ZDHHC21: variants seen among roughly 807,000 people sequenced by gnomAD.
ZDHHC21 encodes the protein palmitoyltransferase ZDHHC21.
Under a neutral mutation model 34.6 loss-of-function variants are expected in ZDHHC21, and 15 were observed. That is an observed-to-expected ratio of 0.43 (90% CI 0.29 to 0.67). ZDHHC21 has a LOEUF of 0.67. Ranked by LOEUF, ZDHHC21 falls within the 30% of genes least tolerant of loss-of-function variation. The pLI, the probability that ZDHHC21 is intolerant of heterozygous loss-of-function variation, is 0.14. For synonymous variants in ZDHHC21, 142 were observed against 101.8 expected (o/e 1.40, Z -2.38); for missense variants, 344 against 327.7 (o/e 1.05, Z -0.38).
At chr9:14,598,217 C>A in the ZDHHC21 span, among the ~76,000 whole-genome samples, 1 of 152,118 alleles carries the variant, frequency 6.6e-6, no homozygotes, top group Non-Finnish European at 1.5e-5. Context: ...CATACCTAGC[C>A]AACTGCCTCT....
At chr9:14,619,883 C>CA (rs5896639) in intron 8 of ZDHHC21, among the ~76,000 whole-genome samples, 36,846 of 150,214 alleles carry the variant, frequency 0.25, 5,563 homozygotes, top group African/African-American at 0.39. Context: ...TTATACTATG[C>CA]AAAAAAAAAC....
rs569906598 is a variant in ZDHHC21, at chr9:14,693,248, C to G, written c.-244G>C. 4.8e-5 allele frequency: 20 copies of G among 412,508 alleles called. No individual in the cohort carries two copies. Among genetic ancestry groups the G allele is most frequent in the South Asian group, 2.7e-4 (16 of 60,042 alleles). 25.6% of individuals were successfully genotyped at this position (412,508 alleles called of 1,614,324 possible). ...ACTCACCGTCGCCGCTGGCTCGCCT[C>G]TCGCTGCCGCCGCTCTCCCGACCGC... is the stretch of plus-strand genomic sequence containing the variant. On this transcript the variant is annotated 5_prime_UTR_variant, in exon 1 of 10. Transcript: ENST00000380916.
At position 14,639,902 on chromosome 9, in the gene ZDHHC21, G is replaced by A. The variant is rs1228622132; in HGVS notation, c.615C>T (p.Ile205=). ...ACATTAAAAATATACTTACTGTGAT[G>A]ATGCCAATTAGTTGAGTGTAAAAGA... The part of the protein sequence containing the change: ...TGLFYTQLIG[I]ITDTTSIEKM... The change falls in exon 8 of 10, where the codon ATC becomes ATT. Residue 205 remains isoleucine (I), a synonymous_variant. Coordinates refer to ENST00000380916, the MANE Select transcript of ZDHHC21 (RefSeq NM_178566.6). 1 of 1,548,840 alleles carries A rather than the reference G, an allele frequency of 6.5e-7. No individual in the cohort carries two copies. The highest frequency in any genetic ancestry group is 8.8e-7 in the Non-Finnish European group (1 of 1,136,058).
At chr9:14,671,922 A>T (rs1461298177) in intron 5 of ZDHHC21, among the ~76,000 whole-genome samples, 1 of 152,138 alleles carries the variant, frequency 6.6e-6, no homozygotes, top group African/African-American at 2.4e-5. Flanking sequence ...TTTATTTCAA[A>T]TACACACATG....
At chr9:14,619,244 G>A in intron 9 of ZDHHC21, 146 bp from the exon 10 acceptor site, 1 of 911,368 alleles carries the variant, frequency 1.1e-6, no homozygotes, top group South Asian at 2.2e-5. Context: ...CTTTCATTAT[G>A]GCATGCAGCT....
intron 6 of ZDHHC21, among the ~76,000 whole-genome samples, 168 bp from the exon 7 acceptor site, chr9:14,659,055 A>G (rs997345979): frequency 6.6e-6 from 1 of 152,222 alleles, no homozygotes; most frequent in South Asian, 2.1e-4. Flanking sequence ...AACTATAAAT[A>G]TACCATCTTA....
downstream of ZDHHC21, among the ~76,000 whole-genome samples, chr9:14,607,165 G>A (rs945147704): frequency 1.3e-5 from 2 of 151,198 alleles, no homozygotes; most frequent in Non-Finnish European, 2.9e-5. Flanking sequence ...CTGTACAGAA[G>A]AGGGTGGGCA....
intron 5 of ZDHHC21, among the ~76,000 whole-genome samples, chr9:14,665,472 C>A (rs1170849074): frequency 6.6e-6 from 1 of 150,694 alleles, no homozygotes; most frequent in African/African-American, 2.4e-5. Flanking sequence ...GGCAGGCCAA[C>A]GTTCAGATTC....
At chr9:14,603,907 T>C in the ZDHHC21 span, among the ~76,000 whole-genome samples, 1 of 152,198 alleles carries the variant, frequency 6.6e-6, no homozygotes, top group African/African-American at 2.4e-5. Flanking sequence ...TGTTGACTCA[T>C]CCCTTGATTT....
At chr9:14,690,564 G>A (rs1006924160) in intron 1 of ZDHHC21, among the ~76,000 whole-genome samples, 179 bp from the exon 2 acceptor site, 3 of 152,116 alleles carry the variant, frequency 2.0e-5, no homozygotes, top group Admixed American at 6.5e-5. Context: ...TGGGGAAGAA[G>A]GTTAATCTAC....
At chr9:14,689,144 G>A (rs945400975) in intron 2 of ZDHHC21, among the ~76,000 whole-genome samples, 6 of 152,156 alleles carry the variant, frequency 3.9e-5, no homozygotes. Context: ...AAATATTACA[G>A]CCCTTCGGCT....
intron 8 of ZDHHC21, among the ~76,000 whole-genome samples, chr9:14,633,170 T>G (rs1371039449): frequency 6.6e-6 from 1 of 152,038 alleles, no homozygotes; most frequent in Non-Finnish European, 1.5e-5. Flanking sequence ...AGAACCAAAA[T>G]AGTGAGTAGA....
chr9:14,659,843 G>C (rs1408822944), intron 6 of ZDHHC21, among the ~76,000 whole-genome samples: 1 of 152,098 alleles, frequency 6.6e-6, no homozygotes. Flanking sequence ...TTTGTTATTT[G>C]CAAGCAGGAT....
chr9:14,597,131 G>C, the ZDHHC21 span, among the ~76,000 whole-genome samples: 7 of 152,134 alleles, frequency 4.6e-5, no homozygotes, highest in African/African-American at 1.4e-4. Flanking sequence ...CATTGTTCCA[G>C]AGAGGGAGTT....
chr9:14,625,564 G>A (rs1247755805), intron 8 of ZDHHC21, among the ~76,000 whole-genome samples: 1 of 151,680 alleles, frequency 6.6e-6, no homozygotes, highest in Non-Finnish European at 1.5e-5. Context: ...GTTTTTGTGG[G>A]GATTAAATGA....
chr9:14,640,214 G>C (rs993119150), intron 7 of ZDHHC21, among the ~76,000 whole-genome samples: 1 of 149,418 alleles, frequency 6.7e-6, no homozygotes, highest in Non-Finnish European at 1.5e-5. Context: ...ACAATAGCAA[G>C]CTGGAAAATA....
rs531546034 is a variant in ZDHHC21 at position 14,636,459 on chromosome 9, T to A, written c.621+3437A>T. 2.0e-5 allele frequency among the ~76,000 whole-genome samples: 3 copies of A among 152,256 alleles called. No individual in the cohort carries two copies. In the South Asian group the frequency reaches 6.2e-4, roughly 32 times the overall value. On this transcript the variant is annotated intron_variant, in intron 8 of 9. Transcript: ENST00000380916. ...AAGATAGACTCTAATACAGTAATAG[T>A]TGAGGACTTGGACACAGGATTCTCA...
chr9:14,667,317 G>C (rs1014695361), intron 5 of ZDHHC21, among the ~76,000 whole-genome samples: 119 of 149,858 alleles, frequency 7.9e-4, no homozygotes, highest in African/African-American at 2.7e-3. Flanking sequence ...TTGAATCTCT[G>C]AATAGACGAA....
intron 2 of ZDHHC21, among the ~76,000 whole-genome samples, 154 bp downstream of exon 2, chr9:14,690,183 G>A (rs1388834023): frequency 2.0e-5 from 3 of 152,154 alleles, no homozygotes; most frequent in Non-Finnish European, 4.4e-5. Context: ...AGAAGGAAGG[G>A]AAGCCTGCTA....
Sources: allele counts gnomAD v4.1 joint callset (sites outside exome capture counted in the v4.1 genomes callset), GRCh38; gene constraint gnomAD v4.1.1; transcripts MANE v1.5; gene names NCBI Gene and HGNC (gene_info 2026-07-23, HGNC 2026-07-21).